Variants in EIPR1 observed in about 807,000 individuals in gnomAD.
The protein encoded by EIPR1 is EARP and GARP complex-interacting protein 1.
Under a neutral mutation model 48.1 loss-of-function variants are expected in EIPR1, and 25 were observed. The observed-to-expected ratio is 0.52, with a 90% CI of 0.38 to 0.73. EIPR1 has a LOEUF of 0.73. Ranked by LOEUF, EIPR1 falls within the 30% of genes least tolerant of loss-of-function variation. EIPR1 has a pLI of 0.00. For missense variants in EIPR1, 415 were observed against 506.2 expected (o/e 0.82, Z 1.73); for synonymous variants, 204 against 201.9 (o/e 1.01, Z -0.09).
At chr2:3,361,607 G>A (rs1346950750) in intron 1 of EIPR1, among the ~76,000 whole-genome samples, 2 of 151,996 alleles carry the variant, frequency 1.3e-5, no homozygotes, top group African/African-American at 4.8e-5. Context: ...AGCCAGCTGC[G>A]CCCAGTTCCT....
At chr2:3,377,483 T>G in intron 1 of EIPR1, 165 bp downstream of exon 1, 1 of 858,364 alleles carries the variant, frequency 1.2e-6, no homozygotes, top group Non-Finnish European at 1.8e-6. Flanking sequence ...TACAACCGTT[T>G]AACCTCCTAA....
intron 2 of EIPR1, among the ~76,000 whole-genome samples, chr2:3,345,274 T>C (rs1670364919): frequency 6.6e-6 from 1 of 151,710 alleles, no homozygotes; most frequent in Non-Finnish European, 1.5e-5. Flanking sequence ...AAGATACAAG[T>C]AGAACTCTAT....
intron 3 of EIPR1, among the ~76,000 whole-genome samples, chr2:3,285,153 T>C (rs114832551): frequency 0.014 from 2,084 of 152,262 alleles, 45 homozygotes; most frequent in African/African-American, 0.048. Flanking sequence ...AGCGAGCCTG[T>C]GGCCCTCACT....
chr2:3,224,511 A>G (rs1665996094), intron 4 of EIPR1, among the ~76,000 whole-genome samples: 1 of 152,010 alleles, frequency 6.6e-6, no homozygotes. Context: ...CTGACTGGAC[A>G]CTCTATCACA....
At chr2:3,327,267 G>A (rs1248600575) in intron 3 of EIPR1, among the ~76,000 whole-genome samples, 3 of 152,002 alleles carry the variant, frequency 2.0e-5, no homozygotes, top group East Asian at 1.9e-4. Flanking sequence ...TACTGCAACC[G>A]CCACCTCCCG....
At chr2:3,307,841 G>A (rs947239793) in intron 3 of EIPR1, among the ~76,000 whole-genome samples, 2 of 152,192 alleles carry the variant, frequency 1.3e-5, no homozygotes, top group Admixed American at 1.3e-4. Flanking sequence ...GAAGAGAATT[G>A]TAATGTTCCC....
At chr2:3,335,008 GC>G (rs936126350) in intron 3 of EIPR1, among the ~76,000 whole-genome samples, 3 of 152,296 alleles carry the variant, frequency 2.0e-5, no homozygotes, top group Non-Finnish European at 4.4e-5. Flanking sequence ...TCTACAAATT[GC>G]CACAAACTTG....
intron 5 of EIPR1, among the ~76,000 whole-genome samples, chr2:3,197,502 A>G (rs988357242): frequency 6.6e-6 from 1 of 152,034 alleles, no homozygotes; most frequent in African/African-American, 2.4e-5. Context: ...ATTTAATCAG[A>G]CCACCCCAAG....
At chr2:3,296,626 C>T (rs1398029031) in intron 3 of EIPR1, among the ~76,000 whole-genome samples, 1 of 146,962 alleles carries the variant, frequency 6.8e-6, no homozygotes, top group Non-Finnish European at 1.5e-5. Flanking sequence ...ATCCTCTCTA[C>T]ACACATACAC....
chr2:3,267,443 C>G (rs552790092), intron 3 of EIPR1, among the ~76,000 whole-genome samples: 1 of 152,254 alleles, frequency 6.6e-6, no homozygotes, highest in Non-Finnish European at 1.5e-5. Context: ...GTCGCAGCAG[C>G]GGGTTCTTGG....
At chr2:3,234,584 C>A (rs913514374) in intron 4 of EIPR1, among the ~76,000 whole-genome samples, 2 of 152,218 alleles carry the variant, frequency 1.3e-5, no homozygotes, top group African/African-American at 4.8e-5. Context: ...CGGTCAACAC[C>A]CTGATAGAAG....
chr2:3,345,644 T>A (rs10202678), intron 2 of EIPR1, among the ~76,000 whole-genome samples: 48,248 of 149,846 alleles, frequency 0.32, 10,864 homozygotes, highest in African/African-American at 0.64. Flanking sequence ...AAAGAAAAAG[T>A]AAGAAAAATA....
chr2:3,330,019 C>G (rs565364408), intron 3 of EIPR1, among the ~76,000 whole-genome samples: 38 of 152,358 alleles, frequency 2.5e-4, no homozygotes, highest in South Asian at 2.3e-3. Flanking sequence ...GATGACAGTT[C>G]CATGACCATT....
chr2:3,197,648 CTAGGATT>C (rs1036210696), intron 5 of EIPR1, among the ~76,000 whole-genome samples: 1 of 152,242 alleles, frequency 6.6e-6, no homozygotes, highest in African/African-American at 2.4e-5. Flanking sequence ...CTCTGCTCGC[CTAGGATT>C]TCATGCACAA....
intron 3 of EIPR1, among the ~76,000 whole-genome samples, chr2:3,261,321 A>G (rs962726784): frequency 1.3e-5 from 2 of 152,202 alleles, no homozygotes; most frequent in African/African-American, 2.4e-5. Context: ...ACGTACATAC[A>G]TATTAAAAAG....
chr2:3,350,961 A>AC lies in EIPR1; in HGVS notation c.126+3588_126+3589insG, dbSNP rs1479640490. Among the ~76,000 whole-genome samples the AC allele has an allele frequency of 1.2e-3, 178 of 151,146 alleles. 1 individual carries two copies. The highest frequency in any genetic ancestry group is 4.1e-3 in the African/African-American group (168 of 41,290). ...ACTTCGTTCCAAAAAAAAAAAAAAA[A>AC]ACAAATTAAGGTAGATTAAAACACT... On this transcript the variant is annotated intron_variant, in intron 2 of 8. Coordinates refer to ENST00000382125, the MANE Select transcript of EIPR1 (RefSeq NM_003310.5).
chr2:3,236,085 A>T (rs1666396328), intron 4 of EIPR1, among the ~76,000 whole-genome samples: 1 of 151,630 alleles, frequency 6.6e-6, no homozygotes, highest in Admixed American at 6.6e-5. Flanking sequence ...GCACCACACC[A>T]CTCTCCCGCC....
intron 4 of EIPR1, among the ~76,000 whole-genome samples, chr2:3,235,410 GCATGCGGGTGCGCACACACACACACA>G (rs1666369041): frequency 6.8e-6 from 1 of 147,312 alleles, no homozygotes; most frequent in Non-Finnish European, 1.5e-5. Context: ...AAACATGTGT[GCATGCGGGTGCGCACACACACACACA>G]CACGCGTGCG....
chr2:3,208,930 C>T (rs1402737146), intron 5 of EIPR1: 2 of 1,528,532 alleles, frequency 1.3e-6, no homozygotes, highest in African/African-American at 1.4e-5. Flanking sequence ...TCCGTGCACG[C>T]TCCTTCAGAA....
Sources: allele counts gnomAD v4.1 joint callset (sites outside exome capture counted in the v4.1 genomes callset), GRCh38; gene constraint gnomAD v4.1.1; transcripts MANE v1.5; gene names NCBI Gene and HGNC (gene_info 2026-07-23, HGNC 2026-07-21).